Variants in TNKS observed in about 807,000 individuals in gnomAD.
TNKS encodes tankyrase.
Under a neutral mutation model 135.8 loss-of-function variants are expected in TNKS, and 72 were observed. That is an observed-to-expected ratio of 0.53 (90% CI 0.44 to 0.64). The LOEUF (loss-of-function observed/expected upper bound fraction) is 0.64, where lower values mean the gene tolerates loss of function less well. Ranked by LOEUF, TNKS falls within the 30% of genes least tolerant of loss-of-function variation. TNKS has a pLI of 0.00. For synonymous variants in TNKS, 849 were observed against 649.3 expected, an observed-to-expected ratio of 1.31 and a Z score of -4.68; for missense variants, 1,769 against 1,674.0, an observed-to-expected ratio of 1.06 and a Z score of -0.99.
chr8:9,695,337 T>C (rs982947165), intron 5 of TNKS, among the ~76,000 whole-genome samples: 1 of 152,210 alleles, frequency 6.6e-6, no homozygotes, highest in Non-Finnish European at 1.5e-5. Flanking sequence ...TAAATATTCA[T>C]ATTTTGTTAC....
intron 3 of TNKS, among the ~76,000 whole-genome samples, chr8:9,656,381 T>C (rs1461948884): frequency 1.3e-5 from 2 of 151,986 alleles, no homozygotes; most frequent in Non-Finnish European, 2.9e-5. Context: ...ATTCAGGAAA[T>C]ACAGAGAACT....
chr8:9,580,680 C>G (rs928529271), intron 2 of TNKS, among the ~76,000 whole-genome samples: 2 of 152,102 alleles, frequency 1.3e-5, no homozygotes, highest in African/African-American at 4.8e-5. Context: ...TGGACATTTT[C>G]TATCCTACCA....
chr8:9,683,044 T>G (rs984631026), intron 5 of TNKS, among the ~76,000 whole-genome samples: 5 of 152,028 alleles, frequency 3.3e-5, no homozygotes, highest in Admixed American at 2.0e-4. Context: ...ATTTATTAGG[T>G]TTTAGTGCTA....
chr8:9,645,567 G>A (rs1157047303), intron 3 of TNKS, among the ~76,000 whole-genome samples: 1 of 152,060 alleles, frequency 6.6e-6, no homozygotes, highest in Non-Finnish European at 1.5e-5. Context: ...AAGATTTGCA[G>A]GGACCTCAGA....
At chr8:9,762,827 C>T (rs1333773245) in intron 21 of TNKS, among the ~76,000 whole-genome samples, 1 of 151,538 alleles carries the variant, frequency 6.6e-6, no homozygotes, top group African/African-American at 2.4e-5. Flanking sequence ...ATGGTGTGAA[C>T]CCGGGAGGCG....
intron 5 of TNKS, among the ~76,000 whole-genome samples, chr8:9,698,182 T>C (rs187506074): frequency 2.0e-5 from 3 of 152,196 alleles, no homozygotes; most frequent in Non-Finnish European, 2.9e-5. Flanking sequence ...TTCTCACTTA[T>C]AAGTGGGATC....
chr8:9,647,197 C>G lies in TNKS; in HGVS notation c.994+31520C>G, dbSNP rs759709784. The stretch of plus-strand genomic sequence containing the variant: ...ACACACATGCAAGCACACTTCTACC[C>G]TCAGTCTAGACAATACTTACCTTTG... On this transcript the variant is annotated intron_variant, in intron 3 of 26. Coordinates refer to ENST00000310430, the MANE Select transcript of TNKS (RefSeq NM_003747.3). Among the ~76,000 whole-genome samples the G allele has an allele frequency of 2.6e-5, 4 of 152,194 alleles. No individual in the cohort carries two copies. In the South Asian group the frequency reaches 6.2e-4, roughly 24 times the overall value.
intron 3 of TNKS, among the ~76,000 whole-genome samples, chr8:9,650,120 G>C (rs1323698729): frequency 6.6e-6 from 1 of 151,890 alleles, no homozygotes; most frequent in Non-Finnish European, 1.5e-5. Flanking sequence ...TCAAATTCCT[G>C]ACCTCAGGTG....
chr8:9,756,792 T>A (rs895616512), intron 20 of TNKS, among the ~76,000 whole-genome samples: 1 of 152,166 alleles, frequency 6.6e-6, no homozygotes, highest in African/African-American at 2.4e-5. Context: ...GTTCTCCAGT[T>A]GCTTTCAGAT....
intron 3 of TNKS, among the ~76,000 whole-genome samples, chr8:9,656,624 T>TTTTTTTTTTTC (rs1554461142): frequency 6.7e-6 from 1 of 149,460 alleles, no homozygotes; most frequent in African/African-American, 2.5e-5. Flanking sequence ...TTTTTTTTTT[T>TTTTTTTTTTTC]TTAATTTATT....
At chr8:9,562,567 C>G (rs1179604307) in intron 1 of TNKS, among the ~76,000 whole-genome samples, 1 of 152,102 alleles carries the variant, frequency 6.6e-6, no homozygotes, top group African/African-American at 2.4e-5. Flanking sequence ...TAAAGTGTGT[C>G]TATTATAGAC....
intron 20 of TNKS, among the ~76,000 whole-genome samples, chr8:9,760,144 G>T (rs1264042174): frequency 6.6e-6 from 1 of 152,166 alleles, no homozygotes; most frequent in Non-Finnish European, 1.5e-5. Flanking sequence ...TTAAAATCAT[G>T]TCTAGCTAAG....
intron 3 of TNKS, among the ~76,000 whole-genome samples, chr8:9,626,686 C>G (rs528920221): frequency 5.9e-5 from 9 of 152,158 alleles, no homozygotes; most frequent in Non-Finnish European, 8.8e-5. Flanking sequence ...GGGAAGGACA[C>G]TGCCACCTTA....
chr8:9,652,752 A>G (rs1801192061), intron 3 of TNKS, among the ~76,000 whole-genome samples: 2 of 152,188 alleles, frequency 1.3e-5, no homozygotes, highest in Admixed American at 6.5e-5. Flanking sequence ...CATCATCACT[A>G]TCATCTTGTG....
At chr8:9,730,697 AT>A (rs1384467141) in intron 13 of TNKS, among the ~76,000 whole-genome samples, 192 bp from the exon 14 acceptor site, 9 of 152,234 alleles carry the variant, frequency 5.9e-5, no homozygotes, top group African/African-American at 1.9e-4. Flanking sequence ...TCTGTACATA[AT>A]AAAAAATATT....
intron 1 of TNKS, among the ~76,000 whole-genome samples, chr8:9,564,389 C>G (rs1359172154): frequency 2.0e-5 from 3 of 151,962 alleles, no homozygotes; most frequent in African/African-American, 7.3e-5. Flanking sequence ...AAAAAAATCT[C>G]AAGCTTAGAA....
chr8:9,584,112 C>T (rs1307586719), intron 2 of TNKS, among the ~76,000 whole-genome samples: 6 of 144,498 alleles, frequency 4.2e-5, no homozygotes, highest in Non-Finnish European at 7.5e-5. Flanking sequence ...TGCAGTGAGC[C>T]GAGATTACAC....
At chr8:9,594,620 A>G (rs985917316) in intron 2 of TNKS, among the ~76,000 whole-genome samples, 1 of 152,190 alleles carries the variant, frequency 6.6e-6, no homozygotes, top group Admixed American at 6.5e-5. Context: ...TTTATGTAGT[A>G]ACATATTTTA....
chr8:9,753,345 T>C (rs1195021385), intron 20 of TNKS, among the ~76,000 whole-genome samples: 1 of 152,202 alleles, frequency 6.6e-6, no homozygotes, highest in Non-Finnish European at 1.5e-5. Context: ...ACTGCACTTT[T>C]AAAAAATTGC....
Sources: allele counts gnomAD v4.1 joint callset (sites outside exome capture counted in the v4.1 genomes callset), GRCh38; gene constraint gnomAD v4.1.1; transcripts MANE v1.5; gene names NCBI Gene and HGNC (gene_info 2026-07-23, HGNC 2026-07-21).